The following RBFOX1 variants were observed in gnomAD, a reference collection of about 807,000 sequenced individuals.
RBFOX1 encodes the protein RNA binding fox-1 homolog 1.
A neutral mutation model predicts 57.7 loss-of-function variants in RBFOX1; 8 were observed. The ratio of observed to expected loss-of-function variants is 0.14; its 90% confidence interval spans 0.08 to 0.25. RBFOX1 has a LOEUF of 0.25. Ranked by LOEUF, RBFOX1 falls within the 10% of genes least tolerant of loss-of-function variation. RBFOX1 has a pLI of 1.00. For synonymous variants in RBFOX1, 326 were observed against 222.4 expected (o/e 1.47, Z -4.15); for missense variants, 611 against 548.5 (o/e 1.11, Z -1.14).
At chr16:6,600,444 C>G (rs2097839388) in intron 2 of RBFOX1, among the ~76,000 whole-genome samples, 1 of 152,168 alleles carries the variant, frequency 6.6e-6, no homozygotes, top group African/African-American at 2.4e-5. Flanking sequence ...CACTCGTGTT[C>G]ATAGAGGACT....
Position 5,801,128 on chromosome 16 carries a change from G to A in RBFOX1, c.319-66175G>A, listed in dbSNP as rs148854125. On this transcript the variant is annotated intron_variant, in intron 3 of 19. Coordinates refer to the RBFOX1 transcript ENST00000641259. ...GAAGTGGAGCTGGAAGTTCCTGGGC[G>A]CATGTGTGACAGAAATGCAGTGGGC... Among the ~76,000 whole-genome samples, 28 of 152,226 alleles carry A rather than the reference G, an allele frequency of 1.8e-4. No homozygotes were observed. In the East Asian group the frequency reaches 4.8e-3, roughly 26 times the overall value.
At chr16:6,900,128 T>G (rs1368021627) in intron 3 of RBFOX1, among the ~76,000 whole-genome samples, 2 of 151,336 alleles carry the variant, frequency 1.3e-5, no homozygotes, top group Non-Finnish European at 2.9e-5. Flanking sequence ...TGAGTTTTTC[T>G]TTAGTTATTG....
chr16:6,064,365 T>C (rs1283518691), intron 1 of RBFOX1, among the ~76,000 whole-genome samples: 2 of 152,102 alleles, frequency 1.3e-5, no homozygotes, highest in Non-Finnish European at 2.9e-5. Flanking sequence ...CTGCTTGTAG[T>C]TTTCTATAAC....
At position 6,011,949 on chromosome 16, in the gene RBFOX1, G is replaced by A. The variant is rs192340947; in HGVS notation, c.351+144614G>A. 9.1e-3 allele frequency among the ~76,000 whole-genome samples: 1,393 copies of A among 152,284 alleles called. 13 individuals are homozygous for A. Among genetic ancestry groups the A allele is most frequent in the Middle Eastern group, 0.014 (4 of 294 alleles). On this transcript the variant is annotated intron_variant, in intron 4 of 19. Coordinates refer to the RBFOX1 transcript ENST00000641259. ...AGGAGTGAACTACAATATTTGTAAG[G>A]TGGCATCGCCCACACCATCTTGCAT...
intron 4 of RBFOX1, among the ~76,000 whole-genome samples, chr16:7,223,726 A>G (rs12051348): frequency 0.39 from 57,667 of 149,638 alleles, 11,693 homozygotes; most frequent in East Asian, 0.66. Flanking sequence ...AAAAAAAAAA[A>G]AAAAAGAAAA....
At chr16:7,603,290 G>C (rs1200296351) in intron 9 of RBFOX1, among the ~76,000 whole-genome samples, 2 of 152,118 alleles carry the variant, frequency 1.3e-5, no homozygotes, top group African/African-American at 4.8e-5. Flanking sequence ...AGTTTCTTTA[G>C]AGAAAAACCA....
intron 1 of RBFOX1, among the ~76,000 whole-genome samples, chr16:6,137,606 ATTTTT>A (rs57190040): frequency 0.014 from 1,371 of 98,312 alleles, 23 homozygotes; most frequent in African/African-American, 0.058. Flanking sequence ...GCGCCTGGTC[ATTTTT>A]TTTTTTTTTT....
chr16:7,155,595 G>T (rs1286089939), intron 4 of RBFOX1, among the ~76,000 whole-genome samples: 1 of 121,238 alleles, frequency 8.2e-6, no homozygotes, highest in Admixed American at 8.9e-5. Context: ...GCACTTGTCT[G>T]AAAAAAAAAA....
chr16:6,719,445 GT>G (rs35154093), intron 3 of RBFOX1, among the ~76,000 whole-genome samples: 16,436 of 145,044 alleles, frequency 0.11, 1,330 homozygotes, highest in African/African-American at 0.24. Flanking sequence ...AAAATAACCT[GT>G]TTTTTTTTTT....
Position 5,331,048 on chromosome 16 carries a change from A to G in RBFOX1, c.219+90943A>G, listed in dbSNP as rs78045243. On this transcript the variant is annotated intron_variant, in intron 1 of 2. Coordinates refer to the RBFOX1 transcript ENST00000585867. ...AAGGCCTACTTGGTATCAGGCACCA[A>G]ACTCTGAGGATCTGGAGGTGATGTG... 2.3e-3 allele frequency among the ~76,000 whole-genome samples: 343 copies of G among 152,244 alleles called. 2 individuals are homozygous for G. The highest frequency in any genetic ancestry group is 7.9e-3 in the African/African-American group (329 of 41,546).
At chr16:7,329,644 C>A (rs990561156) in intron 4 of RBFOX1, among the ~76,000 whole-genome samples, 4 of 152,134 alleles carry the variant, frequency 2.6e-5, no homozygotes, top group African/African-American at 9.7e-5. Flanking sequence ...GTACCGCAAT[C>A]ATACAGGACA....
chr16:5,577,388 A>G (rs2046498745), intron 2 of RBFOX1, among the ~76,000 whole-genome samples: 1 of 152,122 alleles, frequency 6.6e-6, no homozygotes, highest in Admixed American at 6.6e-5. Context: ...CCTCACCTCA[A>G]CATTTTTATG....
chr16:7,426,724 C>A (rs4787016), intron 4 of RBFOX1, among the ~76,000 whole-genome samples: 14 of 152,016 alleles, frequency 9.2e-5, no homozygotes, highest in African/African-American at 3.1e-4. Flanking sequence ...CCTGAGAATA[C>A]CAACAGCAGT....
chr16:6,153,965 A>G (rs111949731), intron 1 of RBFOX1, among the ~76,000 whole-genome samples: 4,414 of 152,298 alleles, frequency 0.029, 200 homozygotes, highest in African/African-American at 0.098. Flanking sequence ...CAGTATGTCA[A>G]GCAACAACAC....
chr16:5,529,113 T>G (rs917980423), intron 2 of RBFOX1, among the ~76,000 whole-genome samples: 5 of 152,120 alleles, frequency 3.3e-5, no homozygotes, highest in African/African-American at 1.2e-4. Context: ...ACAAGTCACA[T>G]TAATAGAGGA....
Position 5,831,879 on chromosome 16 carries a change from C to T in RBFOX1, c.319-35424C>T, listed in dbSNP as rs1024175670. Among the ~76,000 whole-genome samples, 4 of 152,094 alleles carry T rather than the reference C, an allele frequency of 2.6e-5. No individual in the cohort carries two copies. The East Asian group carries it at 7.7e-4, about 29-fold the overall frequency. ...CATAAGCTCTTTTAAGTGAATGACC[C>T]CATGCTTGGATCTTGGTCACCCCAA... is the stretch of plus-strand genomic sequence containing the variant. On this transcript the variant is annotated intron_variant, in intron 3 of 19. Coordinates refer to the RBFOX1 transcript ENST00000641259.
intron 4 of RBFOX1, among the ~76,000 whole-genome samples, chr16:7,336,868 A>T (rs1212288117): frequency 6.6e-6 from 1 of 152,214 alleles, no homozygotes; most frequent in Non-Finnish European, 1.5e-5. Context: ...ACCTGAAATG[A>T]TGTGTAGCTA....
chr16:5,680,635 G>A (rs73516355), intron 3 of RBFOX1, among the ~76,000 whole-genome samples: 5,593 of 152,292 alleles, frequency 0.037, 331 homozygotes, highest in African/African-American at 0.13. Context: ...TCAGCGGAGT[G>A]AAGGAGAAAT....
chr16:5,846,299 G>A (rs2056756778), intron 3 of RBFOX1, among the ~76,000 whole-genome samples: 1 of 152,080 alleles, frequency 6.6e-6, no homozygotes, highest in Admixed American at 6.6e-5. Context: ...GAGAAAAGGA[G>A]GAGGAGAAGA....
Sources: allele counts gnomAD v4.1 joint callset (sites outside exome capture counted in the v4.1 genomes callset), GRCh38; gene constraint gnomAD v4.1.1; transcripts MANE v1.5; gene names NCBI Gene and HGNC (gene_info 2026-07-23, HGNC 2026-07-21).